Variants in SIPA1 observed in about 807,000 individuals in gnomAD.
The protein encoded by SIPA1 is signal-induced proliferation-associated protein 1.
Under a neutral mutation model 88.1 loss-of-function variants are expected in SIPA1, and 51 were observed. The observed-to-expected ratio is 0.58, with a 90% confidence interval of 0.46 to 0.73. SIPA1 has a LOEUF of 0.73. Among genes scored for constraint, SIPA1 ranks in the 30% least tolerant of loss-of-function variants. SIPA1 has a pLI of 0.00. For synonymous variants in SIPA1, 681 were observed against 664.8 expected (o/e 1.02, Z -0.37); for missense variants, 1,348 against 1,467.6 (o/e 0.92, Z 1.33).
rs1420352295 is a variant in SIPA1 at position 65,646,616 on chromosome 11, G to A, written c.1582G>A (p.Ala528Thr). The A allele has an allele frequency of 1.8e-5, 28 of 1,544,082 alleles. No homozygotes were observed. The highest frequency in any genetic ancestry group is 2.3e-5 in the Non-Finnish European group (26 of 1,149,060). The change falls in exon 8 of 16, where the codon GCC becomes ACC. Residue 528 changes from alanine (A) to threonine (T), a missense_variant. Ala to Thr is a moderately conservative substitution (Grantham distance 58). Around this residue, in one of 4 missense-constraint regions of SIPA1, gnomAD observed 641 missense variants for 797.7 expected, o/e 0.80. Coordinates refer to ENST00000534313, the MANE Select transcript of SIPA1 (RefSeq NM_006747.4). This position sits in a 1 kb window ranked among gnomAD's most constrained non-coding sequence, Gnocchi z 7.5. ...AGHARQFHAM[A>T]TRTRQQYLQD... ...CCACGCGCGCCAGTTCCACGCCATG[G>A]CCACGCGCACCCGCCAGCAGTACCT...
chr11:65,645,756 G>A, intron 5 of SIPA1, 98 bp from the exon 6 acceptor site: 1 of 743,434 alleles, frequency 1.3e-6, no homozygotes, highest in Non-Finnish European at 2.2e-6. Flanking sequence ...CTGCTGTTTG[G>A]GGCACAGAGG....
intron 9 of SIPA1, 59 bp from the exon 10 acceptor site, chr11:65,649,203 T>C (rs573571324): frequency 2.6e-5 from 32 of 1,247,462 alleles, no homozygotes; most frequent in Non-Finnish European, 3.4e-5. Context: ...GGGGTGGGGC[T>C]AGTGATGCAG....
Position 65,646,367 on chromosome 11 carries a change from C to T in SIPA1, c.1410C>T (p.His470=), listed in dbSNP as rs1432073010. The change falls in exon 7 of 16, where the codon CAC becomes CAT. Residue 470 remains histidine, a synonymous_variant. Coordinates refer to ENST00000534313, the MANE Select transcript of SIPA1 (RefSeq NM_006747.4). This position sits in a 1 kb window ranked among gnomAD's most constrained non-coding sequence, Gnocchi z 7.5. ...GGGCACACACACCCTGCACGCCACACACCACCTACAGGTGGGCACCGGAGT... is the reference window on the plus strand; with the variant it reads ...GGGCACACACACCCTGCACGCCACATACCACCTACAGGTGGGCACCGGAGT... The part of the protein sequence containing the change: ...VVRAHTPCTP[H]TTYRVAVSRT... The T allele has an allele frequency of 3.7e-6, 6 of 1,611,432 alleles. No homozygotes were observed. Among genetic ancestry groups the T allele is most frequent in the South Asian group, 1.1e-5 (1 of 91,084 alleles).
rs1006315925 is a variant in SIPA1 at position 65,646,753 on chromosome 11, C to T, written c.1719C>T (p.Ala573=). ...GGGCGGCCCCTCGGGGCCCAGGCGC[C>T]GAGCTGCAGGCAGCGGGCTCACTGG... ...RRRAAPRGPG[A]ELQAAGSLVW... is the part of the protein sequence containing the mutation. Residue 573 remains alanine (A), a synonymous_variant, in exon 8 of 16, where the codon GCC becomes GCT. Coordinates refer to ENST00000534313, the MANE Select transcript of SIPA1 (RefSeq NM_006747.4). The surrounding 1 kb of genome is among the most constrained non-coding windows in gnomAD (Gnocchi z 7.5). The T allele has an allele frequency of 2.7e-6, 4 of 1,499,842 alleles. No individual in the cohort carries two copies. In the Admixed American group the frequency reaches 9.5e-5, roughly 36 times the overall value. 92.9% of individuals were successfully genotyped at this position (1,499,842 alleles called of 1,614,324 possible).
In SIPA1 at chr11:65,650,673, G is replaced by A. The variant is rs1185401784; in HGVS notation, c.3087G>A (p.Leu1029=). ...AGAGTGCAGCCACACGCCTCCTCCT[G>A]GCCTCCAAGCAGCTGGGCTCACCCA... ...ESESAATRLL[L]ASKQLGSPTA... Residue 1029 remains leucine, a synonymous_variant, in exon 16 of 16, where the codon CTG becomes CTA. Transcript: ENST00000534313. 6.3e-7 allele frequency: 1 copy of A among 1,578,908 alleles called. No homozygotes were observed. The highest frequency in any genetic ancestry group is 8.6e-7 in the Non-Finnish European group (1 of 1,162,346).
rs745707237 is a variant in SIPA1 at position 65,650,722 on chromosome 11, T to A, written c.*7T>A. ...CACCGCCGACCTGGCCTGAGCCGTC[T>A]GGAACCACCTGGGCCCCTGAGGGCA... On this transcript the variant is annotated 3_prime_UTR_variant, in exon 16 of 16. Coordinates refer to ENST00000534313, the MANE Select transcript of SIPA1 (RefSeq NM_006747.4). The A allele has an allele frequency of 3.8e-6, 6 of 1,561,948 alleles. No homozygotes were observed. The highest frequency in any genetic ancestry group is 2.7e-5 in the African/African-American group (2 of 74,054).
At position 65,646,198 on chromosome 11, in the gene SIPA1, A is replaced by G; in HGVS notation, c.1264-23A>G. ...TTGGGGCACAGAAGACCTCATCACGAGCCCCTACTATCCAACCCCTAGCTC... is the reference window on the plus strand; with the variant it reads ...TTGGGGCACAGAAGACCTCATCACGGGCCCCTACTATCCAACCCCTAGCTC... On this transcript the variant is annotated intron_variant, in intron 6 of 15. Coordinates refer to ENST00000534313, the MANE Select transcript of SIPA1 (RefSeq NM_006747.4). This position sits in a 1 kb window ranked among gnomAD's most constrained non-coding sequence, Gnocchi z 7.5. 1.2e-6 allele frequency: 2 copies of G among 1,612,236 alleles called. No individual in the cohort carries two copies. The highest frequency in any genetic ancestry group is 1.7e-6 in the Non-Finnish European group (2 of 1,179,280).
Position 65,647,408 on chromosome 11 carries a change from C to G in SIPA1, c.2056C>G (p.Arg686Gly), listed in dbSNP as rs780176364. ...GCTGGTGAGCCGTGGCTGCGAGACC[C>G]GCGAGCTGGCGCTGCCCCGCGACGG... ...LQLVSRGCET[R>G]ELALPRDGQG... is the part of the protein sequence containing the mutation. Residue 686 changes from arginine to glycine, a missense_variant, in exon 9 of 16, where the codon CGC becomes GGC. Coordinates refer to ENST00000534313, the MANE Select transcript of SIPA1 (RefSeq NM_006747.4). 4.1e-6 allele frequency: 6 copies of G among 1,463,862 alleles called. No homozygotes were observed. Among genetic ancestry groups the G allele is most frequent in the African/African-American group, 1.5e-5 (1 of 67,224 alleles). The allele number at this position is 1,463,862 out of a possible 1,614,324, so 90.7% of individuals were successfully genotyped here. A position where few individuals can be genotyped will look rare whatever the true frequency, so the allele number is the denominator to read the frequency against.
rs1856197053 is a variant in SIPA1 at position 65,649,061 on chromosome 11, T to A, written c.2307-201T>A. ...AAATTGATGTTCAGAGTGATTTGCT[T>A]GGGATATACAGGGGCAGCACTGGAA... On this transcript the variant is annotated intron_variant, in intron 9 of 15. Coordinates refer to ENST00000534313, the MANE Select transcript of SIPA1 (RefSeq NM_006747.4). 1.3e-5 allele frequency: 7 copies of A among 533,670 alleles called. No homozygotes were observed. In the South Asian group the frequency reaches 2.1e-4, roughly 16 times the overall value. The allele number at this position is 533,670 out of a possible 1,614,324, so 33.1% of individuals were successfully genotyped here.
chr11:65,642,114 G>T lies in SIPA1; in HGVS notation c.680-136G>T. The T allele has an allele frequency of 1.6e-6, 2 of 1,248,354 alleles. No homozygotes were observed. Among genetic ancestry groups the T allele is most frequent in the South Asian group, 2.8e-5 (2 of 71,332 alleles). The allele number at this position is 1,248,354 out of a possible 1,614,324, so 77.3% of individuals were successfully genotyped here. ...AAGATATTGAGCTCGGGGCTACAGA[G>T]GGGCGGGACTTAGTCTAGGGTCAAC... On this transcript the variant is annotated intron_variant, in intron 2 of 15. Coordinates refer to ENST00000534313, the MANE Select transcript of SIPA1 (RefSeq NM_006747.4). The surrounding 1 kb of genome is among the most constrained non-coding windows in gnomAD (Gnocchi z 6.5).
rs1459627572 is a variant in SIPA1, at chr11:65,650,468, G to T, written c.2971G>T (p.Asp991Tyr). The T allele has an allele frequency of 1.9e-6, 3 of 1,613,928 alleles. No individual in the cohort carries two copies. The East Asian group carries it at 6.7e-5, about 36-fold the overall frequency. The change falls in exon 15 of 16, where the codon GAC becomes TAC. Residue 991 changes from aspartate to tyrosine, a missense_variant. Transcript: ENST00000534313. ...GTCCATGCTCAGGAAGCTGCAGGAGGACCTGCAGAAGGTGAGGGGTGGGCT... is the reference window on the plus strand; with the variant it reads ...GTCCATGCTCAGGAAGCTGCAGGAGTACCTGCAGAAGGTGAGGGGTGGGCT... ...LESMLRKLQE[D>Y]LQKEKADRAA...
chr11:65,644,813 T>A (rs1412405979), intron 4 of SIPA1, 142 bp from the exon 5 acceptor site: 4 of 768,578 alleles, frequency 5.2e-6, no homozygotes, highest in Non-Finnish European at 8.5e-6. Flanking sequence ...CAACAGACTG[T>A]ACTCACCTGA....
In SIPA1 at chr11:65,642,374, G is replaced by A. The variant is rs1856023060; in HGVS notation, c.804G>A (p.Thr268=). 2 of 1,582,534 alleles carry A rather than the reference G, an allele frequency of 1.3e-6. No homozygotes were observed. The highest frequency in any genetic ancestry group is 1.1e-5 in the South Asian group (1 of 88,084). ...GCTACCGCGTCATCGTGCGGACCAC[G>A]CAGGTGGGCCGGGATCGCGGGATCA... ...LHSYRVIVRT[T]QLRTLRGTIS... The change falls in exon 3 of 16, where the codon ACG becomes ACA. Residue 268 remains threonine (T), a synonymous_variant. Coordinates refer to ENST00000534313, the MANE Select transcript of SIPA1 (RefSeq NM_006747.4). The surrounding 1 kb of genome is among the most constrained non-coding windows in gnomAD (Gnocchi z 6.5).
rs1311963288 is a variant in SIPA1 at position 65,646,004 on chromosome 11, G to A, written c.1263+47G>A. Reference sequence around the variant, plus strand: ...GGGTGGGGCTTCCGGGAACCATGGAGGGCCCTGCATGGCCCATGACGTTTG... The same window carrying A: ...GGGTGGGGCTTCCGGGAACCATGGAAGGCCCTGCATGGCCCATGACGTTTG... On this transcript the variant is annotated intron_variant, in intron 6 of 15. Coordinates refer to ENST00000534313, the MANE Select transcript of SIPA1 (RefSeq NM_006747.4). This position sits in a 1 kb window ranked among gnomAD's most constrained non-coding sequence, Gnocchi z 7.5. The A allele has an allele frequency of 2.1e-6, 3 of 1,460,450 alleles. No individual in the cohort carries two copies. Among genetic ancestry groups the A allele is most frequent in the Non-Finnish European group, 2.8e-6 (3 of 1,052,896 alleles). 90.5% of individuals were successfully genotyped at this position (1,460,450 alleles called of 1,614,324 possible).
chr11:65,638,265 TG>T (rs1156374466), intron 1 of SIPA1, 83 bp downstream of exon 1: 2 of 152,324 alleles, frequency 1.3e-5, no homozygotes, highest in African/African-American at 4.8e-5. Context: ...CCGGGTGATG[TG>T]TATGGGAGTG....
At position 65,646,738 on chromosome 11, in the gene SIPA1, TC is replaced by T; in HGVS notation, c.1705del (p.Arg569GlyfsTer60). 6.6e-7 allele frequency: 1 copy of T among 1,523,086 alleles called. No individual in the cohort carries two copies. Among genetic ancestry groups the T allele is most frequent in the Non-Finnish European group, 8.8e-7 (1 of 1,139,434 alleles). The allele number at this position is 1,523,086 out of a possible 1,614,324, so 94.3% of individuals were successfully genotyped here. On this transcript the variant is annotated frameshift_variant, in exon 8 of 16. Coordinates refer to ENST00000534313, the MANE Select transcript of SIPA1 (RefSeq NM_006747.4). LOFTEE classifies it high-confidence loss of function. The surrounding 1 kb of genome is among the most constrained non-coding windows in gnomAD (Gnocchi z 7.5). ...TGGGTGGGAGGCGCCGGGCGGCCCC[TC>T]GGGGCCCAGGCGCCGAGCTGCAGGC... is the stretch of plus-strand genomic sequence containing the variant. ...SLGGRRRAAP[R>X]GPGAELQAAG...
rs781752485 is a variant in SIPA1, at chr11:65,640,896, C to T, written c.-26C>T. ...ACCCGTGCCCGCCAATGCGGCCCAG[C>T]CCCCGGAGAGTCAGGCCCACAGAGC... On this transcript the variant is annotated 5_prime_UTR_variant, in exon 2 of 16. Transcript: ENST00000534313. 1.4e-6 allele frequency: 2 copies of T among 1,460,864 alleles called. No homozygotes were observed. The highest frequency in any genetic ancestry group is 1.4e-5 in the South Asian group (1 of 70,100). 90.5% of individuals were successfully genotyped at this position (1,460,864 alleles called of 1,614,324 possible).
chr11:65,649,267 T>G lies in SIPA1; in HGVS notation c.2312T>G (p.Phe771Cys), dbSNP rs1856202620. The change falls in exon 10 of 16, where the codon TTT becomes TGT. Residue 771 changes from phenylalanine to cysteine, a missense_variant. Transcript: ENST00000534313. ...GACCCTGTCCCACCCCACAGGAGTT[T>G]TTCGGAGCTGTACACGCTGTCGCTG... ...PDESGRPRRSFSELYTLSLQE... is the reference protein window; with the variant it reads ...PDESGRPRRSCSELYTLSLQE... 1 of 1,520,978 alleles carries G rather than the reference T, an allele frequency of 6.6e-7. No individual in the cohort carries two copies. Among genetic ancestry groups the G allele is most frequent in the Non-Finnish European group, 8.9e-7 (1 of 1,127,066 alleles). The allele number at this position is 1,520,978 out of a possible 1,614,324, so 94.2% of individuals were successfully genotyped here. A position where few individuals can be genotyped will look rare whatever the true frequency, so the allele number is the denominator to read the frequency against.
At chr11:65,648,596 G>C (rs796803841) in intron 9 of SIPA1, among the ~76,000 whole-genome samples, 3 of 152,290 alleles carry the variant, frequency 2.0e-5, no homozygotes, top group African/African-American at 7.2e-5. Context: ...CACTTTGGGA[G>C]GCTGAGGCGG....
Sources: gnomAD v4.1 joint callset for allele counts (sites outside exome capture counted in the v4.1 genomes callset) on GRCh38, gnomAD v4.1.1 for gene constraint, gnomAD v4.1.1 regional missense constraint, Gnocchi (gnomAD v3.1) non-coding constraint, MANE v1.5 for transcripts, NCBI Gene and HGNC (gene_info 2026-07-23, HGNC 2026-07-21) for gene names.